MCTP2: variants seen among roughly 807,000 people sequenced by gnomAD.
MCTP2 encodes multiple C2 and transmembrane domain-containing protein 2.
In MCTP2, 132 loss-of-function variants were observed where a neutral mutation model predicts 111.6. The ratio of observed to expected loss-of-function variants is 1.18; its 90% CI spans 1.03 to 1.37. The LOEUF is 1.37. Ranked by LOEUF, MCTP2 falls within the 40% of genes most tolerant of loss-of-function variation. The pLI is 0.00. For missense variants in MCTP2, 1,183 were observed against 1,067.9 expected (o/e 1.11, Z -1.50); for synonymous variants, 395 against 387.7 (o/e 1.02, Z -0.22).
intron 12 of MCTP2, 44 bp from the exon 13 acceptor site, chr15:94,383,978 C>T (rs377090402): frequency 1.1e-5 from 15 of 1,392,200 alleles, no homozygotes; most frequent in Non-Finnish European, 1.4e-5. Context: ...TTGTCCCTTT[C>T]GAGATTCACT....
chr15:94,397,085 G>A (rs2081318564), intron 14 of MCTP2, among the ~76,000 whole-genome samples: 2 of 152,134 alleles, frequency 1.3e-5, no homozygotes, highest in African/African-American at 2.4e-5. Context: ...AGGGACTTCA[G>A]TTTTTTCTGC....
At chr15:94,308,798 T>C (rs750768682) in intron 2 of MCTP2, among the ~76,000 whole-genome samples, 19 of 152,176 alleles carry the variant, frequency 1.2e-4, no homozygotes, top group Non-Finnish European at 2.4e-4. Flanking sequence ...ACATTGGCCA[T>C]AGACAACACA....
At chr15:94,323,704 G>A (rs75412637) in intron 4 of MCTP2, among the ~76,000 whole-genome samples, 2,624 of 152,300 alleles carry the variant, frequency 0.017, 73 homozygotes, top group African/African-American at 0.06. Context: ...CTCTGATGCT[G>A]TCAATGGTCC....
At chr15:94,344,747 G>T (rs1348958271) in intron 7 of MCTP2, among the ~76,000 whole-genome samples, 1 of 152,098 alleles carries the variant, frequency 6.6e-6, no homozygotes, top group East Asian at 1.9e-4. Context: ...ACTATCAGTG[G>T]TCATGAATTT....
intron 1 of MCTP2, among the ~76,000 whole-genome samples, chr15:94,240,265 T>C (rs535085125): frequency 5.4e-4 from 82 of 152,300 alleles, no homozygotes; most frequent in African/African-American, 1.9e-3. Context: ...CTCCATTTTA[T>C]TGAAGGGAAC....
chr15:94,356,894 G>A (rs1480669988), intron 9 of MCTP2, among the ~76,000 whole-genome samples: 1 of 152,116 alleles, frequency 6.6e-6, no homozygotes, highest in Non-Finnish European at 1.5e-5. Context: ...TTTAATCTTA[G>A]TAATTTGGTG....
rs2074737545 is a variant in MCTP2 at position 94,481,741 on chromosome 15, C to G, written c.*2707C>G. 6.6e-6 allele frequency: 1 copy of G among 152,224 alleles called. No homozygotes were observed. Among genetic ancestry groups the G allele is most frequent in the African/African-American group, 2.4e-5 (1 of 41,448 alleles). 9.4% of individuals were successfully genotyped at this position (152,224 alleles called of 1,614,324 possible). ...GCCATACATCATAAGAGGCTTTGAC[C>G]ACTGTCCTCCACTGAATAGCCCATT... On this transcript the variant is annotated 3_prime_UTR_variant, in exon 23 of 23. Coordinates refer to ENST00000357742, the MANE Select transcript of MCTP2 (RefSeq NM_001385001.1).
Position 94,401,932 on chromosome 15 carries a change from A to AT in MCTP2, c.1998_1999insT (p.Ile667TyrfsTer13). The AT allele has an allele frequency of 2.5e-6, 4 of 1,612,942 alleles. No individual in the cohort carries two copies. The highest frequency in any genetic ancestry group is 3.4e-6 in the Non-Finnish European group (4 of 1,179,174). On this transcript the variant is annotated frameshift_variant, in exon 17 of 23. Coordinates refer to ENST00000357742, the MANE Select transcript of MCTP2 (RefSeq NM_001385001.1). LOFTEE classifies it high-confidence loss of function. ...CAAGAGATGTGGACCGTGTGAAAAG[A>AT]ATCACTATGGCAATATGGAATACAA...
At chr15:94,430,662 C>T (rs1191910959) in intron 17 of MCTP2, among the ~76,000 whole-genome samples, 4 of 151,740 alleles carry the variant, frequency 2.6e-5, no homozygotes, top group Non-Finnish European at 5.9e-5. Flanking sequence ...GCAGGACAAT[C>T]ACTGGAACCT....
chr15:94,244,793 C>G (rs541459223), intron 1 of MCTP2, among the ~76,000 whole-genome samples: 1 of 140,248 alleles, frequency 7.1e-6, no homozygotes, highest in East Asian at 2.1e-4. Context: ...TACATATGCA[C>G]GTATGTTTAT....
chr15:94,271,579 G>C (rs556128188), intron 1 of MCTP2, among the ~76,000 whole-genome samples: 29 of 152,240 alleles, frequency 1.9e-4, no homozygotes, highest in Non-Finnish European at 2.4e-4. Context: ...GACATGCTTT[G>C]AATGATTATG....
intron 12 of MCTP2, among the ~76,000 whole-genome samples, chr15:94,376,178 A>G (rs1295582194): frequency 6.6e-6 from 1 of 152,178 alleles, no homozygotes; most frequent in Non-Finnish European, 1.5e-5. Context: ...TTCCTTGGCT[A>G]TGCCATTAGG....
rs557989149 is a variant in MCTP2 at position 94,325,812 on chromosome 15, A to ATTTTTTTTTTTTTTT, written c.637+10187_637+10201dup. On this transcript the variant is annotated intron_variant, in intron 4 of 22. Transcript: ENST00000357742. ...GAACCTACTCTACTCCATCGCTCCG[A>ATTTTTTTTTTTTTTT]TTTTTTTTTTTTTTTTTTTTTTTTT... Among the ~76,000 whole-genome samples, 107 of 91,860 alleles carry ATTTTTTTTTTTTTTT rather than the reference A, an allele frequency of 1.2e-3. 9 individuals carry two copies. Among genetic ancestry groups the ATTTTTTTTTTTTTTT allele is most frequent in the African/African-American group, 2.6e-3 (59 of 22,336 alleles). 60.3% of individuals were successfully genotyped at this position (91,860 alleles called of 152,430 possible).
intron 17 of MCTP2, among the ~76,000 whole-genome samples, chr15:94,416,611 C>A (rs2082391261): frequency 6.6e-6 from 1 of 152,112 alleles, no homozygotes; most frequent in South Asian, 2.1e-4. Context: ...GAAGAACAGG[C>A]CCTTTGGGCA....
At chr15:94,437,820 C>T (rs1596709503) in intron 17 of MCTP2, among the ~76,000 whole-genome samples, 1 of 151,816 alleles carries the variant, frequency 6.6e-6, no homozygotes, top group Non-Finnish European at 1.5e-5. Flanking sequence ...TAGACACACT[C>T]ATGTGGGAAC....
At chr15:94,285,654 T>C (rs571498381) in intron 1 of MCTP2, among the ~76,000 whole-genome samples, 1 of 152,304 alleles carries the variant, frequency 6.6e-6, no homozygotes, top group Non-Finnish European at 1.5e-5. Flanking sequence ...TTAAAGTGGA[T>C]GTGTAAGTGT....
At chr15:94,304,775 A>G (rs1040448392) in intron 2 of MCTP2, among the ~76,000 whole-genome samples, 2 of 151,996 alleles carry the variant, frequency 1.3e-5, no homozygotes, top group African/African-American at 4.8e-5. Flanking sequence ...ACATACTCAC[A>G]CTTTGTCTAC....
At chr15:94,403,026 T>C (rs2081682134) in intron 17 of MCTP2, 3 of 997,886 alleles carry the variant, frequency 3.0e-6, no homozygotes, top group Non-Finnish European at 3.6e-6. Context: ...AAGAAGCCAA[T>C]GGGTTCAAGG....
intron 4 of MCTP2, among the ~76,000 whole-genome samples, chr15:94,332,927 A>G (rs10520747): frequency 0.51 from 77,023 of 151,986 alleles, 19,593 homozygotes; most frequent in Admixed American, 0.55. Context: ...AAACTGAATC[A>G]TAGAAATATA....
Sources: allele counts gnomAD v4.1 joint callset (sites outside exome capture counted in the v4.1 genomes callset), GRCh38; gene constraint gnomAD v4.1.1; transcripts MANE v1.5; gene names NCBI Gene and HGNC (gene_info 2026-07-23, HGNC 2026-07-21).